KCNC2: variants seen among roughly 807,000 people sequenced by gnomAD.
The protein encoded by KCNC2 is voltage-gated potassium channel KCNC2.
A neutral mutation model predicts 44.5 loss-of-function variants in KCNC2; 21 were observed. The observed-to-expected ratio is 0.47, with a 90% confidence interval of 0.33 to 0.68. The LOEUF is 0.68. KCNC2 is among the 30% of genes least tolerant of loss of function. The pLI, the probability that KCNC2 is intolerant of heterozygous loss-of-function variation, is 0.01. For synonymous variants in KCNC2, 391 were observed against 339.1 expected (o/e 1.15, Z -1.68); for missense variants, 589 against 826.2 (o/e 0.71, Z 3.52).
intron 2 of KCNC2, among the ~76,000 whole-genome samples, chr12:75,152,445 T>G (rs541368928): frequency 1.2e-4 from 19 of 152,014 alleles, no homozygotes; most frequent in African/African-American, 4.1e-4. Flanking sequence ...TACAATTCCA[T>G]GTGTATATTT....
chr12:75,131,494 A>T (rs1261149269), intron 2 of KCNC2, among the ~76,000 whole-genome samples: 1 of 152,132 alleles, frequency 6.6e-6, no homozygotes, highest in African/African-American at 2.4e-5. Flanking sequence ...AAATATAATT[A>T]AGGTTATGGA....
At chr12:75,177,495 A>T (rs1224151074) in intron 2 of KCNC2, among the ~76,000 whole-genome samples, 1 of 151,786 alleles carries the variant, frequency 6.6e-6, no homozygotes, top group Non-Finnish European at 1.5e-5. Context: ...ATTTTTTTTC[A>T]AATTTTATGA....
intron 2 of KCNC2, among the ~76,000 whole-genome samples, chr12:75,160,954 T>C (rs1040319342): frequency 5.3e-5 from 8 of 151,836 alleles, no homozygotes; most frequent in Non-Finnish European, 7.4e-5. Context: ...GAAAAGATTA[T>C]GTGTTTTGTG....
At chr12:75,142,763 T>C (rs1479312436) in intron 2 of KCNC2, among the ~76,000 whole-genome samples, 1 of 152,082 alleles carries the variant, frequency 6.6e-6, no homozygotes, top group Non-Finnish European at 1.5e-5. Flanking sequence ...AGTAGTTGGA[T>C]CCAAAAAGCA....
intron 2 of KCNC2, among the ~76,000 whole-genome samples, chr12:75,075,391 T>A (rs1049086213): frequency 1.3e-5 from 2 of 151,120 alleles, no homozygotes; most frequent in African/African-American, 4.9e-5. Flanking sequence ...ATCTCCTTAC[T>A]ACTTTGGGGA....
In KCNC2 at chr12:75,051,283, A is replaced by G. The variant is rs376587134; in HGVS notation, c.722T>C (p.Val241Ala). 3 of 1,597,696 alleles carry G rather than the reference A, an allele frequency of 1.9e-6. No individual in the cohort carries two copies. Among genetic ancestry groups the G allele is most frequent in the Admixed American group, 1.7e-5 (1 of 59,422 alleles). Residue 241 changes from valine to alanine, a missense_variant, in exon 3 of 5, where the codon GTT (valine) becomes GCT (alanine). Transcript: ENST00000549446. Reference protein sequence around the residue: ...IAFASLFFILVSITTFCLETH... With the variant: ...IAFASLFFILASITTFCLETH... ...TTCCAGGCAAAAAGTTGTAATTGAAACCAGGATGAAGAATAAAGAAGCAAA... is the reference window on the plus strand; with the variant it reads ...TTCCAGGCAAAAAGTTGTAATTGAAGCCAGGATGAAGAATAAAGAAGCAAA...
At chr12:75,076,262 T>C (rs1883962557) in intron 2 of KCNC2, among the ~76,000 whole-genome samples, 1 of 151,988 alleles carries the variant, frequency 6.6e-6, no homozygotes, top group African/African-American at 2.4e-5. Context: ...TATTTTATTT[T>C]ATTATTTTAT....
intron 2 of KCNC2, among the ~76,000 whole-genome samples, chr12:75,094,577 A>G (rs115292411): frequency 0.017 from 2,545 of 151,880 alleles, 71 homozygotes; most frequent in African/African-American, 0.056. Context: ...ATTTTTAAAT[A>G]TAGCCCCTCT....
At chr12:75,079,819 G>A (rs1201475943) in intron 2 of KCNC2, among the ~76,000 whole-genome samples, 1 of 151,996 alleles carries the variant, frequency 6.6e-6, no homozygotes, top group Non-Finnish European at 1.5e-5. Context: ...ATACACTTTG[G>A]CATTTTGGAC....
chr12:75,137,699 T>C (rs1274068555), intron 2 of KCNC2, among the ~76,000 whole-genome samples: 2 of 152,212 alleles, frequency 1.3e-5, no homozygotes, highest in Non-Finnish European at 2.9e-5. Flanking sequence ...ACAGTCAATA[T>C]GACCTTTAAA....
chr12:75,167,414 A>C (rs1891531961), intron 2 of KCNC2, among the ~76,000 whole-genome samples: 1 of 151,380 alleles, frequency 6.6e-6, no homozygotes, highest in East Asian at 1.9e-4. Flanking sequence ...TATAAAATAA[A>C]AGCTTCTTAT....
chr12:75,068,409 G>T (rs1405885159), intron 2 of KCNC2, among the ~76,000 whole-genome samples: 1 of 152,216 alleles, frequency 6.6e-6, no homozygotes, highest in Non-Finnish European at 1.5e-5. Flanking sequence ...AGCAGTGGCA[G>T]CAGCCATCAG....
intron 2 of KCNC2, among the ~76,000 whole-genome samples, chr12:75,141,654 T>C (rs12322144): frequency 0.15 from 23,013 of 152,140 alleles, 2,079 homozygotes; most frequent in Middle Eastern, 0.27. Flanking sequence ...TCCATCTTCT[T>C]ACTTTCAATG....
chr12:75,075,090 T>C (rs893543755), intron 2 of KCNC2, among the ~76,000 whole-genome samples: 1 of 152,064 alleles, frequency 6.6e-6, no homozygotes, highest in African/African-American at 2.4e-5. Context: ...ACAAAAATAA[T>C]TTAAAAACCT....
At chr12:75,169,915 C>T (rs1891699360) in intron 2 of KCNC2, among the ~76,000 whole-genome samples, 4 of 151,548 alleles carry the variant, frequency 2.6e-5, no homozygotes, top group Admixed American at 2.6e-4. Context: ...AACCAAGGAC[C>T]TGATTGCTTG....
chr12:75,201,304 T>C (rs1190965241), intron 2 of KCNC2, among the ~76,000 whole-genome samples: 1 of 99,624 alleles, frequency 1.0e-5, no homozygotes, highest in Admixed American at 1.1e-4. Context: ...AAAAACCAGA[T>C]TCTGGTTTAC....
At chr12:75,187,782 A>T (rs1012205823) in intron 2 of KCNC2, among the ~76,000 whole-genome samples, 2 of 152,214 alleles carry the variant, frequency 1.3e-5, no homozygotes, top group Non-Finnish European at 2.9e-5. Flanking sequence ...TGAGAACCCA[A>T]ATTGCCAGAA....
rs1181636378 is a variant in KCNC2 at position 75,117,320 on chromosome 12, T to G, written c.688-66003A>C. ...AGCTGCACTGTCAACAGGCTGGTCC[T>G]GCATTTCTTTTATTATCTTGACTAC... On this transcript the variant is annotated intron_variant, in intron 2 of 4. Transcript: ENST00000549446. Among the ~76,000 whole-genome samples the G allele has an allele frequency of 2.6e-5, 4 of 152,206 alleles. No homozygotes were observed. The East Asian group carries it at 7.7e-4, about 29-fold the overall frequency.
intron 2 of KCNC2, among the ~76,000 whole-genome samples, chr12:75,087,670 A>G (rs1475027858): frequency 5.3e-5 from 8 of 152,022 alleles, no homozygotes; most frequent in Non-Finnish European, 8.8e-5. Context: ...CTACACTGCT[A>G]GTTAATTTAC....
Sources: allele counts gnomAD v4.1 joint callset (sites outside exome capture counted in the v4.1 genomes callset), GRCh38; gene constraint gnomAD v4.1.1; transcripts MANE v1.5; gene names NCBI Gene and HGNC (gene_info 2026-07-23, HGNC 2026-07-21).